TRHR: variants seen among roughly 807,000 people sequenced by gnomAD.
TRHR encodes thyrotropin releasing hormone receptor.
A neutral mutation model predicts 28.0 loss-of-function variants in TRHR; 14 were observed. That is an observed-to-expected ratio of 0.50 (90% CI 0.33 to 0.78). The LOEUF is 0.78. TRHR is among the 30% of genes least tolerant of loss of function. The pLI is 0.02. For synonymous variants in TRHR, 176 were observed against 171.9 expected (o/e 1.02, Z -0.18); for missense variants, 438 against 469.5 (o/e 0.93, Z 0.62).
At chr8:109,097,374 C>T (rs1256165488) in intron 2 of TRHR, among the ~76,000 whole-genome samples, 1 of 152,132 alleles carries the variant, frequency 6.6e-6, no homozygotes, top group East Asian at 1.9e-4. Flanking sequence ...GCTTTCAACA[C>T]CCTTTAAAAT....
intron 2 of TRHR, among the ~76,000 whole-genome samples, chr8:109,090,559 T>C (rs1004126874): frequency 6.6e-6 from 1 of 152,170 alleles, no homozygotes; most frequent in African/African-American, 2.4e-5. Flanking sequence ...GAGTGACACA[T>C]AAGCCAATAG....
At chr8:109,111,967 T>C (rs1250337860) in intron 2 of TRHR, among the ~76,000 whole-genome samples, 1 of 152,200 alleles carries the variant, frequency 6.6e-6, no homozygotes, top group African/African-American at 2.4e-5. Context: ...CACCATCTGG[T>C]ATATGACTTT....
Position 109,119,658 on chromosome 8 carries a change from G to T in TRHR, c.*203G>T. The T allele has an allele frequency of 1.7e-6, 1 of 589,584 alleles. No individual in the cohort carries two copies. The highest frequency in any genetic ancestry group is 2.4e-5 in the South Asian group (1 of 41,498). 36.5% of individuals were successfully genotyped at this position (589,584 alleles called of 1,614,324 possible). A position where few individuals can be genotyped will look rare whatever the true frequency, so the allele number is the denominator to read the frequency against. On this transcript the variant is annotated 3_prime_UTR_variant, in exon 3 of 3. Transcript: ENST00000518632. ...CTTACAAACTAATATCACTAAAAATGGAGCAGATCTGTGAAATAGCTAAAT... is the reference window on the plus strand; with the variant it reads ...CTTACAAACTAATATCACTAAAAATTGAGCAGATCTGTGAAATAGCTAAAT...
At chr8:109,095,685 T>A (rs1811578540) in intron 2 of TRHR, among the ~76,000 whole-genome samples, 1 of 152,188 alleles carries the variant, frequency 6.6e-6, no homozygotes, top group East Asian at 1.9e-4. Flanking sequence ...TTTTTGGACA[T>A]CACATAATTA....
intron 1 of TRHR, 108 bp downstream of exon 1, chr8:109,086,991 C>T (rs1384391988): frequency 6.1e-6 from 1 of 164,150 alleles, no homozygotes. Context: ...CCTCTGAGAG[C>T]AAAAGAGGCA....
Position 109,120,823 on chromosome 8 carries a change from AT to A in TRHR, c.*1370del, listed in dbSNP as rs1487889000. Among the ~76,000 whole-genome samples the A allele has an allele frequency of 6.6e-6, 1 of 151,552 alleles. No individual in the cohort carries two copies. The highest frequency in any genetic ancestry group is 2.4e-5 in the African/African-American group (1 of 41,334). On this transcript the variant is annotated 3_prime_UTR_variant, in exon 3 of 3. Transcript: ENST00000518632. ...CCAACCAGAATCTCCGAGGGCAAAA[AT>A]TGCCCTTGGTGATGGTTCAGTAGTC...
chr8:109,108,711 A>G (rs1238199832), intron 2 of TRHR, among the ~76,000 whole-genome samples: 1 of 152,162 alleles, frequency 6.6e-6, no homozygotes, highest in African/African-American at 2.4e-5. Flanking sequence ...CAACGGTAGC[A>G]TTTTTCCAGC....
At chr8:109,098,139 T>C (rs1643920599) in intron 2 of TRHR, among the ~76,000 whole-genome samples, 1 of 140,814 alleles carries the variant, frequency 7.1e-6, no homozygotes, top group African/African-American at 2.8e-5. Context: ...TTCTTTTTTC[T>C]TTTTTTTTTT....
At chr8:109,117,026 A>G (rs1811932632) in intron 2 of TRHR, among the ~76,000 whole-genome samples, 2 of 152,026 alleles carry the variant, frequency 1.3e-5, no homozygotes, top group Admixed American at 6.6e-5. Context: ...GAAAAGAGGC[A>G]GGTAGGTATT....
At position 109,087,617 on chromosome 8, in the gene TRHR, T is replaced by C. The variant is rs138121491; in HGVS notation, c.105T>C (p.Ile35=). ...TCACCATCTTACTTGTACTCATTAT[T>C]TGTGGCCTGGGCATTGTAGGCAACA... The part of the protein sequence containing the change: ...QVVTILLVLI[I]CGLGIVGNIM... The change falls in exon 2 of 3, where the codon ATT becomes ATC. Residue 35 remains isoleucine (I), a synonymous_variant. Coordinates refer to ENST00000518632, the MANE Select transcript of TRHR (RefSeq NM_003301.7). The C allele has an allele frequency of 3.8e-5, 61 of 1,614,098 alleles. No individual in the cohort carries two copies. The highest frequency in any genetic ancestry group is 1.3e-4 in the East Asian group (6 of 44,894).
intron 2 of TRHR, among the ~76,000 whole-genome samples, chr8:109,115,513 A>G (rs1811907290): frequency 6.6e-6 from 1 of 152,148 alleles, no homozygotes; most frequent in South Asian, 2.1e-4. Flanking sequence ...TTCTCCTTGA[A>G]GAGGTCCTTC....
chr8:109,101,617 G>A (rs1380224452), intron 2 of TRHR, among the ~76,000 whole-genome samples: 2 of 152,166 alleles, frequency 1.3e-5, no homozygotes, highest in African/African-American at 4.8e-5. Context: ...TAATTGAATA[G>A]TGTAACTTAT....
intron 2 of TRHR, among the ~76,000 whole-genome samples, chr8:109,112,744 T>C (rs1252235514): frequency 6.6e-6 from 1 of 152,180 alleles, no homozygotes; most frequent in African/African-American, 2.4e-5. Context: ...GTTGATTTTG[T>C]GTGATTATCT....
chr8:109,097,026 T>C (rs16879095), intron 2 of TRHR, among the ~76,000 whole-genome samples: 18,401 of 152,146 alleles, frequency 0.12, 3,841 homozygotes, highest in African/African-American at 0.42. Flanking sequence ...ACGATGGTGA[T>C]TGTGTTAGTG....
chr8:109,097,407 G>A (rs188958699), intron 2 of TRHR, among the ~76,000 whole-genome samples: 7 of 152,048 alleles, frequency 4.6e-5, no homozygotes, highest in Admixed American at 1.3e-4. Flanking sequence ...TCCCTTTTCT[G>A]TCTTTGTTCA....
At chr8:109,108,764 T>C (rs1385310097) in intron 2 of TRHR, among the ~76,000 whole-genome samples, 1 of 152,198 alleles carries the variant, frequency 6.6e-6, no homozygotes, top group Non-Finnish European at 1.5e-5. Flanking sequence ...ATTTTCTAAA[T>C]TTAGATGTTA....
intron 2 of TRHR, among the ~76,000 whole-genome samples, chr8:109,102,774 A>C (rs1313005158): frequency 6.6e-6 from 1 of 152,078 alleles, no homozygotes; most frequent in Non-Finnish European, 1.5e-5. Flanking sequence ...TTTAAAAATA[A>C]ATGAACTGGT....
At chr8:109,117,147 G>T (rs548681106) in intron 2 of TRHR, among the ~76,000 whole-genome samples, 26 of 152,050 alleles carry the variant, frequency 1.7e-4, no homozygotes, top group Admixed American at 6.6e-4. Context: ...GTTTATAATT[G>T]AAGAATTTAA....
chr8:109,097,609 A>AGAG (rs1311751805), intron 2 of TRHR, among the ~76,000 whole-genome samples: 1 of 152,202 alleles, frequency 6.6e-6, no homozygotes, highest in Non-Finnish European at 1.5e-5. Context: ...ATAAGGTTGA[A>AGAG]GAGCAAGCCC....
Sources: allele counts gnomAD v4.1 joint callset (sites outside exome capture counted in the v4.1 genomes callset), GRCh38; gene constraint gnomAD v4.1.1; transcripts MANE v1.5; gene names NCBI Gene and HGNC (gene_info 2026-07-23, HGNC 2026-07-21).